The following NFIA variants were observed in gnomAD, a reference collection of about 807,000 sequenced individuals.
NFIA encodes nuclear factor I A, also known as nuclear factor 1 A-type.
A neutral mutation model predicts 62.8 loss-of-function variants in NFIA; 8 were observed. That is an observed-to-expected ratio of 0.13 (90% CI 0.07 to 0.23). The LOEUF (loss-of-function observed/expected upper bound fraction) is 0.23, where lower values mean the gene tolerates loss of function less well. NFIA is among the 10% of genes least tolerant of loss of function. The pLI is 1.00. For synonymous variants in NFIA, 235 were observed against 238.1 expected (o/e 0.99, Z 0.12); for missense variants, 410 against 642.1 (o/e 0.64, Z 3.91).
At chr1:61,306,636 A>G (rs2100340567) in intron 3 of NFIA, among the ~76,000 whole-genome samples, 1 of 152,040 alleles carries the variant, frequency 6.6e-6, no homozygotes, top group East Asian at 1.9e-4. Flanking sequence ...TTGTTCACCC[A>G]CTTCTTCTTT....
intron 2 of NFIA, among the ~76,000 whole-genome samples, chr1:61,236,422 AT>A (rs1212631206): frequency 6.6e-6 from 1 of 152,120 alleles, no homozygotes; most frequent in Non-Finnish European, 1.5e-5. Context: ...GTTTTATATA[AT>A]TTTTACGTTA....
At chr1:61,376,873 T>C (rs1664174091) in intron 6 of NFIA, among the ~76,000 whole-genome samples, 1 of 152,102 alleles carries the variant, frequency 6.6e-6, no homozygotes, top group Admixed American at 6.6e-5. Flanking sequence ...TCTGTAATAT[T>C]AAGTTATTGG....
At chr1:61,170,556 G>C in intron 2 of NFIA, among the ~76,000 whole-genome samples, 1 of 152,166 alleles carries the variant, frequency 6.6e-6, no homozygotes, top group East Asian at 1.9e-4. Flanking sequence ...ATTTCTGGAT[G>C]CTTAGGACTG....
intron 2 of NFIA, among the ~76,000 whole-genome samples, chr1:61,135,822 G>A (rs544294769): frequency 2.6e-5 from 4 of 152,202 alleles, no homozygotes; most frequent in Admixed American, 2.0e-4. Flanking sequence ...CAACTTTCAG[G>A]TTAATAAGAC....
At chr1:61,426,863 A>G (rs1157813596) in intron 10 of NFIA, among the ~76,000 whole-genome samples, 1 of 152,130 alleles carries the variant, frequency 6.6e-6, no homozygotes, top group Non-Finnish European at 1.5e-5. Flanking sequence ...ATGCAAGCAG[A>G]CAGAAGCAGG....
intron 3 of NFIA, among the ~76,000 whole-genome samples, chr1:61,286,216 A>G (rs1331823089): frequency 2.6e-5 from 4 of 151,980 alleles, no homozygotes; most frequent in Non-Finnish European, 5.9e-5. Context: ...TCACGAGGTC[A>G]GGGGATTGAG....
chr1:61,141,597 A>G (rs1647539946), intron 2 of NFIA, among the ~76,000 whole-genome samples: 1 of 152,218 alleles, frequency 6.6e-6, no homozygotes, highest in African/African-American at 2.4e-5. Flanking sequence ...TACTAACATT[A>G]CTCACAGCAG....
chr1:61,172,858 A>G (rs1315312055), intron 2 of NFIA, among the ~76,000 whole-genome samples: 1 of 152,264 alleles, frequency 6.6e-6, no homozygotes, highest in Non-Finnish European at 1.5e-5. Context: ...CAATCTAGCT[A>G]CACAGGGCTT....
At chr1:61,346,032 G>A (rs1053199965) in intron 4 of NFIA, among the ~76,000 whole-genome samples, 1 of 152,094 alleles carries the variant, frequency 6.6e-6, no homozygotes, top group Non-Finnish European at 1.5e-5. Flanking sequence ...GGTGGTGATT[G>A]GCAGGATTGG....
rs1668552124 is a variant in NFIA at position 61,462,024 on chromosome 1, G to GTTGTTTTTTTTTTTTTTTTGGTTT, written c.*6706_*6707insGTTTTTTTTTTTTTTTTGGTTTTT. On this transcript the variant is annotated 3_prime_UTR_variant, in exon 11 of 11. Coordinates refer to ENST00000403491, the MANE Select transcript of NFIA (RefSeq NM_001134673.4). Reference sequence around the variant, plus strand: ...ATAGTCTGTAAGTTAGCCTTTTTGGGTTTTTTTTTTTTTTTTTTGGCTTTT... The same window carrying GTTGTTTTTTTTTTTTTTTTGGTTT: ...ATAGTCTGTAAGTTAGCCTTTTTGGGTTGTTTTTTTTTTTTTTTTGGTTTTTTTTTTTTTTTTTTTTTGGCTTTT... 1 of 73,206 alleles carries GTTGTTTTTTTTTTTTTTTTGGTTT rather than the reference G, an allele frequency of 1.4e-5. No individual in the cohort carries two copies. Among genetic ancestry groups the GTTGTTTTTTTTTTTTTTTTGGTTT allele is most frequent in the African/African-American group, 6.7e-5 (1 of 14,898 alleles). The allele number at this position is 73,206 out of a possible 1,614,324, so 4.5% of individuals were successfully genotyped here.
upstream of NFIA, chr1:61,081,894 G>C: frequency 6.5e-7 from 1 of 1,545,870 alleles, no homozygotes; most frequent in Non-Finnish European, 8.7e-7. Context: ...ATTTCAGTGG[G>C]GGAAAAAAAG....
At chr1:61,120,824 A>C (rs748210131) in intron 2 of NFIA, among the ~76,000 whole-genome samples, 3 of 152,218 alleles carry the variant, frequency 2.0e-5, no homozygotes, top group Non-Finnish European at 2.9e-5. Context: ...GGAAATTAAA[A>C]GTCAAAAGAA....
chr1:61,220,228 GA>G lies in NFIA; in HGVS notation c.560-57291del, dbSNP rs1653934424. ...TCCTGTTTGTTTTCAAAACCCATGA[GA>G]TTTTAACTCTGCATGTGTGTGTACA... On this transcript the variant is annotated intron_variant, in intron 2 of 10. Coordinates refer to ENST00000403491, the MANE Select transcript of NFIA (RefSeq NM_001134673.4). 3.3e-5 allele frequency among the ~76,000 whole-genome samples: 5 copies of G among 152,180 alleles called. No homozygotes were observed. The South Asian group carries it at 1.0e-3, about 32-fold the overall frequency.
At position 61,088,370 on chromosome 1, in the gene NFIA, C is replaced by G. The variant is rs1304716170; in HGVS notation, c.249C>G (p.Ile83Met). The G allele has an allele frequency of 1.2e-6, 2 of 1,613,528 alleles. No homozygotes were observed. Among genetic ancestry groups the G allele is most frequent in the Admixed American group, 1.7e-5 (1 of 59,966 alleles). ...TTCTGGCAAAGTTGCGGAAAGATAT[C>G]CGACCCGAATATCGAGAGGATTTTG... ...SRLLAKLRKD[I>M]RPEYREDFVL... Residue 83 changes from isoleucine (I) to methionine (M), a missense_variant, in exon 2 of 11, where the codon ATC becomes ATG. By Grantham distance (10) the Ile-to-Met change is conservative. Transcript: ENST00000403491. The surrounding 1 kb of genome is among the most constrained non-coding windows in gnomAD (Gnocchi z 4.5).
intron 2 of NFIA, among the ~76,000 whole-genome samples, chr1:61,271,113 T>C (rs1657476236): frequency 6.6e-6 from 1 of 152,250 alleles, no homozygotes. Flanking sequence ...CATTTTGTCA[T>C]TACTTTCAGA....
At chr1:61,307,386 G>T (rs1659859879) in intron 3 of NFIA, among the ~76,000 whole-genome samples, 1 of 152,134 alleles carries the variant, frequency 6.6e-6, no homozygotes. Flanking sequence ...AAATCCGTTG[G>T]TGCCTTGATC....
chr1:61,169,776 C>T (rs1649824761), intron 2 of NFIA, among the ~76,000 whole-genome samples: 1 of 152,034 alleles, frequency 6.6e-6, no homozygotes, highest in Admixed American at 6.5e-5. Context: ...GTAGAAATGG[C>T]CTTATAATTC....
chr1:61,222,074 T>A (rs1048111425), intron 2 of NFIA, among the ~76,000 whole-genome samples: 2 of 152,180 alleles, frequency 1.3e-5, no homozygotes, highest in Non-Finnish European at 2.9e-5. Context: ...AAATAAGTTA[T>A]GTTAAACACT....
Position 61,086,163 on chromosome 1 carries a change from A to G in NFIA, c.28-1986A>G, listed in dbSNP as rs114767410. 2.6e-3 allele frequency among the ~76,000 whole-genome samples: 397 copies of G among 152,238 alleles called. 2 individuals carry two copies. Among genetic ancestry groups the G allele is most frequent in the African/African-American group, 8.9e-3 (371 of 41,566 alleles). On this transcript the variant is annotated intron_variant, in intron 1 of 10. Transcript: ENST00000403491. The stretch of plus-strand genomic sequence containing the variant: ...GAAAGCTCACTTGGTAGTTTAAGGT[A>G]GACTCCAGGAGTTTTTTGCATAATA...
Sources: allele counts gnomAD v4.1 joint callset (sites outside exome capture counted in the v4.1 genomes callset), GRCh38; gene constraint gnomAD v4.1.1; non-coding constraint Gnocchi (gnomAD v3.1); transcripts MANE v1.5; gene names NCBI Gene and HGNC (gene_info 2026-07-23, HGNC 2026-07-21).